The following MACROD2 variants were observed in gnomAD, a reference collection of about 807,000 sequenced individuals.
MACROD2 encodes mono-ADP ribosylhydrolase 2.
MACROD2 carries 36 observed loss-of-function variants against 70.4 expected under a neutral mutation model. The ratio of observed to expected loss-of-function variants is 0.51; its 90% CI spans 0.39 to 0.68. MACROD2 has a LOEUF of 0.68. Among genes scored for constraint, MACROD2 ranks in the 30% least tolerant of loss-of-function variants. MACROD2 has a pLI of 0.00. For synonymous variants in MACROD2, 172 were observed against 178.8 expected, an observed-to-expected ratio of 0.96 and a Z score of 0.30; for missense variants, 496 against 538.4, an observed-to-expected ratio of 0.92 and a Z score of 0.78.
intron 5 of MACROD2, among the ~76,000 whole-genome samples, chr20:15,024,018 C>T (rs185399081): frequency 1.3e-5 from 2 of 152,204 alleles, no homozygotes; most frequent in East Asian, 3.9e-4. Flanking sequence ...AGGTCCTATC[C>T]TACTCATAGC....
At chr20:15,839,012 A>G (rs778470955) in intron 8 of MACROD2, among the ~76,000 whole-genome samples, 10 of 152,184 alleles carry the variant, frequency 6.6e-5, no homozygotes, top group Non-Finnish European at 1.3e-4. Context: ...ATAGATATAG[A>G]CATATGCACT....
intron 8 of MACROD2, among the ~76,000 whole-genome samples, chr20:15,682,624 A>G (rs2146860763): frequency 6.6e-6 from 1 of 152,332 alleles, no homozygotes; most frequent in East Asian, 1.9e-4. Context: ...ATTCCACATG[A>G]AGCTTGGTTG....
intron 3 of MACROD2, among the ~76,000 whole-genome samples, chr20:14,202,038 A>G (rs1215094086): frequency 1.3e-5 from 2 of 152,114 alleles, no homozygotes; most frequent in African/African-American, 4.8e-5. Flanking sequence ...AATAATATGT[A>G]ACTACTATTT....
At chr20:15,175,455 GA>G (rs1339084962) in intron 5 of MACROD2, among the ~76,000 whole-genome samples, 1 of 151,914 alleles carries the variant, frequency 6.6e-6, no homozygotes, top group East Asian at 1.9e-4. Flanking sequence ...TTTAAAAAAA[GA>G]TATGCATGGC....
intron 8 of MACROD2, among the ~76,000 whole-genome samples, chr20:15,823,893 G>A (rs561748371): frequency 2.4e-4 from 37 of 152,334 alleles, no homozygotes; most frequent in East Asian, 5.8e-4. Context: ...ATGACTGGCT[G>A]TCTTGATCAT....
At chr20:15,878,794 A>C (rs1448512520) in intron 9 of MACROD2, among the ~76,000 whole-genome samples, 2 of 152,158 alleles carry the variant, frequency 1.3e-5, no homozygotes, top group Non-Finnish European at 2.9e-5. Flanking sequence ...TATAGAGCTC[A>C]AAGTAGGTTA....
intron 5 of MACROD2, among the ~76,000 whole-genome samples, chr20:15,174,467 T>G (rs1344157128): frequency 6.6e-6 from 1 of 152,212 alleles, no homozygotes. Flanking sequence ...TAAACATATG[T>G]GTGCATGTGT....
At chr20:15,861,817 C>G (rs2064428373) in intron 8 of MACROD2, among the ~76,000 whole-genome samples, 1 of 152,146 alleles carries the variant, frequency 6.6e-6, no homozygotes. Context: ...TCTTTCTTGT[C>G]CTGCCATGTG....
At chr20:14,338,167 C>T (rs368702181) in intron 3 of MACROD2, among the ~76,000 whole-genome samples, 11 of 152,170 alleles carry the variant, frequency 7.2e-5, no homozygotes, top group East Asian at 1.9e-4. Context: ...TTTGGGAGGC[C>T]GAGGTGGGAG....
At chr20:14,190,696 ATATTTTTTTTTT>A (rs1569198857) in intron 3 of MACROD2, among the ~76,000 whole-genome samples, 2 of 39,876 alleles carry the variant, frequency 5.0e-5, no homozygotes, top group East Asian at 7.9e-4. Flanking sequence ...ATATATATAT[ATATTTTTTTTTT>A]TTTTTTTTTT....
chr20:15,188,442 A>C (rs1358602595), intron 5 of MACROD2, among the ~76,000 whole-genome samples: 1 of 152,208 alleles, frequency 6.6e-6, no homozygotes, highest in Non-Finnish European at 1.5e-5. Flanking sequence ...AGCCGATTCT[A>C]ATCAGGTTCA....
At chr20:14,355,057 C>T (rs994425059) in intron 3 of MACROD2, among the ~76,000 whole-genome samples, 1 of 152,144 alleles carries the variant, frequency 6.6e-6, no homozygotes, top group Non-Finnish European at 1.5e-5. Flanking sequence ...TAGGTTGATT[C>T]CATGTCTTTC....
chr20:15,490,162 CCTTCCTCCTTTCCTTCCTTCCTTCCTTT>C (rs1050238995), intron 7 of MACROD2, among the ~76,000 whole-genome samples: 5 of 150,906 alleles, frequency 3.3e-5, no homozygotes, highest in Admixed American at 6.6e-5. Flanking sequence ...TTCCTTCCTT[CCTTCCTCCTTTCCTTCCTTCCTTCCTTT>C]CTTCCTCCCT....
chr20:14,205,472 G>T (rs987064419), intron 3 of MACROD2, among the ~76,000 whole-genome samples: 5 of 152,210 alleles, frequency 3.3e-5, no homozygotes, highest in African/African-American at 9.7e-5. Context: ...AGCTGATGGG[G>T]CTGGGTTCCC....
intron 5 of MACROD2, among the ~76,000 whole-genome samples, chr20:14,793,446 T>G (rs2072473772): frequency 6.7e-6 from 1 of 149,572 alleles, no homozygotes; most frequent in South Asian, 2.2e-4. Flanking sequence ...CCCCCCACCA[T>G]GCCCCCCGCC....
At chr20:14,100,772 AAT>A (rs1287731396) in intron 3 of MACROD2, among the ~76,000 whole-genome samples, 3 of 140,194 alleles carry the variant, frequency 2.1e-5, no homozygotes, top group Non-Finnish European at 3.1e-5. Context: ...TATAATCTAT[AAT>A]ATATATTACA....
At chr20:14,448,676 A>AAAG (rs1555792243) in intron 3 of MACROD2, among the ~76,000 whole-genome samples, 31 of 146,818 alleles carry the variant, frequency 2.1e-4, no homozygotes, top group Non-Finnish European at 3.2e-4. Context: ...TCAGAAAAAA[A>AAAG]AAAGAAAGAA....
intron 3 of MACROD2, among the ~76,000 whole-genome samples, chr20:14,355,813 C>G (rs2083166707): frequency 6.6e-6 from 1 of 152,128 alleles, no homozygotes; most frequent in Non-Finnish European, 1.5e-5. Context: ...TTAAAAAGGT[C>G]TGGTAGAGAT....
At chr20:14,815,154 C>A (rs2072759785) in intron 5 of MACROD2, among the ~76,000 whole-genome samples, 1 of 151,990 alleles carries the variant, frequency 6.6e-6, no homozygotes, top group Non-Finnish European at 1.5e-5. Context: ...TAATCTGTTA[C>A]CCAATAACAT....
Sources: gnomAD v4.1 joint callset for allele counts (sites outside exome capture counted in the v4.1 genomes callset) on GRCh38, gnomAD v4.1.1 for gene constraint, MANE v1.5 for transcripts, NCBI Gene and HGNC (gene_info 2026-07-23, HGNC 2026-07-21) for gene names.